TAFA1: variants seen among roughly 807,000 people sequenced by gnomAD.
The protein encoded by TAFA1 is TAFA chemokine like family member 1.
TAFA1 carries 4 observed loss-of-function variants against 18.5 expected under a neutral mutation model. That is an observed-to-expected ratio of 0.22 (90% CI 0.11 to 0.49). The LOEUF (loss-of-function observed/expected upper bound fraction) is 0.49, where lower values mean the gene tolerates loss of function less well. Among genes scored for constraint, TAFA1 ranks in the 20% least tolerant of loss-of-function variants. TAFA1 has a pLI of 0.98. For missense variants in TAFA1, 147 were observed against 169.0 expected, an observed-to-expected ratio of 0.87 and a Z score of 0.72; for synonymous variants, 56 against 55.2, an observed-to-expected ratio of 1.01 and a Z score of -0.06.
At chr3:68,188,633 C>G (rs1387817427) in intron 2 of TAFA1, among the ~76,000 whole-genome samples, 2 of 151,500 alleles carry the variant, frequency 1.3e-5, no homozygotes, top group Non-Finnish European at 2.9e-5. Flanking sequence ...GTTTACAGAA[C>G]CAGCCTTGGC....
rs2073317413 is a variant in TAFA1 at position 68,538,763 on chromosome 3, A to C, written c.267A>C (p.Ile89=). The change falls in exon 4 of 5, where the codon ATA becomes ATC. Residue 89 remains isoleucine, a synonymous_variant. Transcript: ENST00000478136. ...RNRPSCVDAS[I]VIGKWWCEME... is the part of the protein sequence containing the mutation. The stretch of plus-strand genomic sequence containing the variant: ...TTTCCTGTTTCTGCACAGCCTCCAT[A>C]GTGATTGGGAAATGGTGGTGTGAGA... The C allele has an allele frequency of 1.2e-6, 2 of 1,613,480 alleles. No homozygotes were observed. Among genetic ancestry groups the C allele is most frequent in the Non-Finnish European group, 1.7e-6 (2 of 1,179,626 alleles).
At chr3:68,210,134 A>G (rs1449710411) in intron 2 of TAFA1, among the ~76,000 whole-genome samples, 1 of 151,926 alleles carries the variant, frequency 6.6e-6, no homozygotes, top group Admixed American at 6.6e-5. Context: ...AGGTTTTTCT[A>G]TTGTTTAACA....
Position 68,339,659 on chromosome 3 carries a change from G to A in TAFA1, c.119-77621G>A, listed in dbSNP as rs112763593. Among the ~76,000 whole-genome samples the A allele has an allele frequency of 2.6e-5, 4 of 152,276 alleles. 1 individual carries two copies. The highest frequency in any genetic ancestry group is 9.6e-5 in the African/African-American group (4 of 41,554). ...GTACAACTCTACTTAAACATTGCCAGTGTTTTTGAATATGCTGTTGCCACT... is the reference window on the plus strand; with the variant it reads ...GTACAACTCTACTTAAACATTGCCAATGTTTTTGAATATGCTGTTGCCACT... On this transcript the variant is annotated intron_variant, in intron 2 of 4. Coordinates refer to ENST00000478136, the MANE Select transcript of TAFA1 (RefSeq NM_213609.4).
chr3:68,330,690 G>C (rs755905016), intron 2 of TAFA1, among the ~76,000 whole-genome samples: 14 of 152,086 alleles, frequency 9.2e-5, no homozygotes, highest in Non-Finnish European at 1.5e-4. Flanking sequence ...GGTAGAACTG[G>C]GATTGGAATC....
intron 2 of TAFA1, among the ~76,000 whole-genome samples, chr3:68,296,583 A>T (rs1327803334): frequency 6.6e-6 from 1 of 152,200 alleles, no homozygotes; most frequent in Non-Finnish European, 1.5e-5. Flanking sequence ...TCAAAAAAAA[A>T]AAAGATAATA....
intron 2 of TAFA1, among the ~76,000 whole-genome samples, chr3:68,043,661 G>T (rs1705212242): frequency 6.6e-6 from 1 of 152,092 alleles, no homozygotes; most frequent in African/African-American, 2.4e-5. Context: ...AAGGCTGCTT[G>T]CAGGATTTAA....
intron 2 of TAFA1, among the ~76,000 whole-genome samples, chr3:68,135,364 A>G (rs1210903134): frequency 1.3e-5 from 2 of 152,226 alleles, no homozygotes; most frequent in South Asian, 2.1e-4. Flanking sequence ...ACATTGTCCC[A>G]GGACTCAGTG....
At chr3:68,406,805 GGA>G (rs1202304036) in intron 2 of TAFA1, among the ~76,000 whole-genome samples, 1 of 152,154 alleles carries the variant, frequency 6.6e-6, no homozygotes, top group East Asian at 1.9e-4. Flanking sequence ...ATCCTTGTTG[GGA>G]GAGAGTAAAC....
At chr3:68,014,496 C>G (rs907731769) in intron 2 of TAFA1, among the ~76,000 whole-genome samples, 1 of 152,136 alleles carries the variant, frequency 6.6e-6, no homozygotes, top group African/African-American at 2.4e-5. Flanking sequence ...CTTTCAAGAT[C>G]TCCTTTAAGT....
intron 2 of TAFA1, among the ~76,000 whole-genome samples, chr3:68,171,900 C>G (rs1166433122): frequency 6.6e-6 from 1 of 151,802 alleles, no homozygotes; most frequent in Non-Finnish European, 1.5e-5. Flanking sequence ...TTGTCCAGTT[C>G]AAGCAAAATG....
chr3:68,172,250 C>G (rs2106961597), intron 2 of TAFA1, among the ~76,000 whole-genome samples: 1 of 152,230 alleles, frequency 6.6e-6, no homozygotes, highest in Admixed American at 6.5e-5. Context: ...ATAAGACTAA[C>G]AGATGACTTT....
intron 2 of TAFA1, among the ~76,000 whole-genome samples, chr3:68,286,512 A>G (rs2068011115): frequency 6.6e-6 from 1 of 152,200 alleles, no homozygotes; most frequent in East Asian, 1.9e-4. Flanking sequence ...CTCAACACTC[A>G]GAGAGTAGAC....
intron 2 of TAFA1, among the ~76,000 whole-genome samples, chr3:68,262,346 T>A (rs1372854386): frequency 1.0e-5 from 1 of 97,124 alleles, no homozygotes; most frequent in Non-Finnish European, 2.1e-5. Context: ...TATATATATA[T>A]ATATATATAT....
intron 2 of TAFA1, among the ~76,000 whole-genome samples, chr3:68,087,977 T>A (rs1482380765): frequency 2.0e-5 from 3 of 152,190 alleles, no homozygotes; most frequent in Non-Finnish European, 4.4e-5. Context: ...TACAACCATG[T>A]TAGACACAGC....
rs565764819 is a variant in TAFA1, at chr3:68,106,347, C to T, written c.118+99603C>T. Among the ~76,000 whole-genome samples, 3 of 152,212 alleles carry T rather than the reference C, an allele frequency of 2.0e-5. No homozygotes were observed. In the East Asian group the frequency reaches 5.8e-4, roughly 29 times the overall value. ...TGATCAGCGGCTGTTCTGTCCAATG[C>T]AGTAGCCACCAGCCAAAGAGGCTAT... On this transcript the variant is annotated intron_variant, in intron 2 of 4. Coordinates refer to ENST00000478136, the MANE Select transcript of TAFA1 (RefSeq NM_213609.4).
chr3:68,314,277 G>A (rs982541231), intron 2 of TAFA1, among the ~76,000 whole-genome samples: 1 of 152,088 alleles, frequency 6.6e-6, no homozygotes, highest in Non-Finnish European at 1.5e-5. Flanking sequence ...AATTCGTATT[G>A]GAACACCTGT....
intron 2 of TAFA1, among the ~76,000 whole-genome samples, chr3:68,288,373 G>A (rs1328048993): frequency 1.0e-5 from 1 of 96,382 alleles, no homozygotes; most frequent in Non-Finnish European, 2.2e-5. Context: ...CAAGAAGTCA[G>A]TGAAAGCGAA....
chr3:68,388,970 T>C (rs945454920), intron 2 of TAFA1, among the ~76,000 whole-genome samples: 5 of 152,232 alleles, frequency 3.3e-5, no homozygotes, highest in Non-Finnish European at 7.3e-5. Context: ...GAGTGAACTT[T>C]TTGTTTTACA....
intron 3 of TAFA1, among the ~76,000 whole-genome samples, chr3:68,448,586 G>GCAA (rs2071512835): frequency 6.6e-6 from 1 of 151,862 alleles, no homozygotes; most frequent in African/African-American, 2.4e-5. Flanking sequence ...GCAGTTAAAG[G>GCAA]TTAATGGAAG....
Sources: allele counts gnomAD v4.1 joint callset (sites outside exome capture counted in the v4.1 genomes callset), GRCh38; gene constraint gnomAD v4.1.1; transcripts MANE v1.5; gene names NCBI Gene and HGNC (gene_info 2026-07-23, HGNC 2026-07-21).